KALRN: variants seen among roughly 807,000 people sequenced by gnomAD.
KALRN encodes the protein kalirin RhoGEF kinase, also known as kalirin.
KALRN carries 70 observed loss-of-function variants against 353.7 expected under a neutral mutation model. The observed-to-expected ratio is 0.20, with a 90% CI of 0.16 to 0.24. The LOEUF (loss-of-function observed/expected upper bound fraction) is 0.24, where lower values mean the gene tolerates loss of function less well. Among genes scored for constraint, KALRN ranks in the 10% least tolerant of loss-of-function variants. The pLI is 1.00. For synonymous variants in KALRN, 1,391 were observed against 1,434.8 expected, an observed-to-expected ratio of 0.97 and a Z score of 0.69; for missense variants, 2,791 against 3,756.7, an observed-to-expected ratio of 0.74 and a Z score of 6.72.
chr3:124,499,888 T>C (rs996768435), intron 33 of KALRN, among the ~76,000 whole-genome samples: 6 of 152,226 alleles, frequency 3.9e-5, no homozygotes, highest in African/African-American at 1.4e-4. Flanking sequence ...TTTCTGTGTC[T>C]GTTCCTTATA....
At chr3:124,327,113 C>T (rs771031391) in intron 7 of KALRN, among the ~76,000 whole-genome samples, 1 of 151,948 alleles carries the variant, frequency 6.6e-6, no homozygotes, top group Non-Finnish European at 1.5e-5. Context: ...TGCTACAAAC[C>T]AGGGATTGAT....
intron 3 of KALRN, among the ~76,000 whole-genome samples, chr3:124,236,484 T>C (rs531271768): frequency 2.3e-4 from 35 of 152,298 alleles, no homozygotes; most frequent in African/African-American, 7.9e-4. Context: ...CAATTTACAA[T>C]AGAAGTTTTC....
intron 1 of KALRN, among the ~76,000 whole-genome samples, chr3:124,102,533 A>G (rs2061961938): frequency 1.3e-5 from 2 of 152,196 alleles, no homozygotes; most frequent in Non-Finnish European, 1.5e-5. Flanking sequence ...TAGTAATAAT[A>G]CATACCTCAG....
chr3:124,081,847 GTATGTGTGCATT>G (rs1178209086), intron 1 of KALRN, among the ~76,000 whole-genome samples: 1 of 152,170 alleles, frequency 6.6e-6, no homozygotes, highest in Non-Finnish European at 1.5e-5. Context: ...CTTAGTGCAT[GTATGTGTGCATT>G]GACATGTAGT....
intron 27 of KALRN, among the ~76,000 whole-genome samples, chr3:124,481,892 A>G (rs1276683645): frequency 1.3e-5 from 2 of 151,816 alleles, no homozygotes; most frequent in African/African-American, 2.4e-5. Context: ...CATTTCCTCT[A>G]TTGTCTTTTG....
intron 34 of KALRN, among the ~76,000 whole-genome samples, chr3:124,564,204 CAAAAAAAA>C (rs58917238): frequency 1.2e-4 from 9 of 73,922 alleles, no homozygotes; most frequent in Non-Finnish European, 2.1e-4. Flanking sequence ...AACTCCGTCT[CAAAAAAAA>C]AAAAAAAAAA....
intron 21 of KALRN, among the ~76,000 whole-genome samples, chr3:124,454,187 T>G (rs1325341549): frequency 6.6e-6 from 1 of 152,250 alleles, no homozygotes; most frequent in Non-Finnish European, 1.5e-5. Context: ...AGTTAACTCT[T>G]AAATCTGCTC....
chr3:124,366,954 T>C (rs1317454689), intron 10 of KALRN, among the ~76,000 whole-genome samples: 5 of 121,330 alleles, frequency 4.1e-5, no homozygotes, highest in Non-Finnish European at 5.1e-5. Flanking sequence ...CCAGTAGGGG[T>C]GGCCAGGCAG....
chr3:124,328,660 T>G (rs2080180863), intron 7 of KALRN, among the ~76,000 whole-genome samples: 1 of 152,186 alleles, frequency 6.6e-6, no homozygotes, highest in African/African-American at 2.4e-5. Flanking sequence ...ATGTACAGAA[T>G]GAAGTCAACC....
At chr3:124,681,854 T>C (rs2087812410) in intron 51 of KALRN, among the ~76,000 whole-genome samples, 1 of 152,054 alleles carries the variant, frequency 6.6e-6, no homozygotes, top group Non-Finnish European at 1.5e-5. Context: ...TGTATTGAAC[T>C]CCTGACCTCA....
In KALRN at chr3:124,517,784, A is replaced by G. The variant is rs76367500; in HGVS notation, c.4935+21371A>G. On this transcript the variant is annotated intron_variant, in intron 33 of 59. Coordinates refer to ENST00000682506, the MANE Select transcript of KALRN (RefSeq NM_001388419.1). ...ATTGTCACCTGTCATGGTCCCTGGA[A>G]ACAGTTAAATCATGAATTTTAAGTC... Among the ~76,000 whole-genome samples, 780 of 152,336 alleles carry G rather than the reference A, an allele frequency of 5.1e-3. 1 individual carries two copies. The highest frequency in any genetic ancestry group is 7.6e-3 in the Non-Finnish European group (519 of 68,028).
At chr3:124,455,476 T>G in intron 22 of KALRN, 117 bp downstream of exon 22, 1 of 1,042,824 alleles carries the variant, frequency 9.6e-7, no homozygotes, top group Admixed American at 2.8e-5. Context: ...AGCTATTGAC[T>G]CCTAGAGCGC....
intron 6 of KALRN, among the ~76,000 whole-genome samples, chr3:124,324,545 A>T (rs1019521583): frequency 1.5e-4 from 23 of 152,354 alleles, no homozygotes; most frequent in African/African-American, 5.3e-4. Context: ...TCTCTTAGGG[A>T]AATGCACTAT....
At chr3:124,321,311 A>T (rs1348312452) in intron 6 of KALRN, among the ~76,000 whole-genome samples, 2 of 152,236 alleles carry the variant, frequency 1.3e-5, no homozygotes, top group African/African-American at 4.8e-5. Flanking sequence ...AGCCCCTGAC[A>T]CATAACTTAA....
intron 1 of KALRN, among the ~76,000 whole-genome samples, chr3:124,154,267 T>G (rs184902729): frequency 6.6e-6 from 1 of 152,192 alleles, no homozygotes; most frequent in Non-Finnish European, 1.5e-5. Flanking sequence ...CCAGGGCAAT[T>G]AGGCAGGAGA....
chr3:124,238,331 G>A (rs927757186), intron 3 of KALRN, among the ~76,000 whole-genome samples: 1 of 152,178 alleles, frequency 6.6e-6, no homozygotes, highest in Admixed American at 6.5e-5. Context: ...ACGGGTGGAC[G>A]TTAGAATCAG....
At chr3:124,279,103 G>A (rs543113061) in intron 5 of KALRN, among the ~76,000 whole-genome samples, 74 of 151,876 alleles carry the variant, frequency 4.9e-4, no homozygotes, top group African/African-American at 1.6e-3. Context: ...TCCTTCCTTG[G>A]TCAGAGTTAA....
At chr3:124,397,584 C>G (rs1282289261) in intron 12 of KALRN, among the ~76,000 whole-genome samples, 2 of 152,184 alleles carry the variant, frequency 1.3e-5, no homozygotes, top group African/African-American at 2.4e-5. Context: ...TTTTAGGGCT[C>G]TAGCTTACTC....
intron 41 of KALRN, 44 bp downstream of exon 41, chr3:124,657,847 T>C (rs1421909195): frequency 4.7e-6 from 6 of 1,288,854 alleles, no homozygotes; most frequent in Non-Finnish European, 6.7e-6. Context: ...TTCACTAGGC[T>C]CATTTATATT....
Sources: gnomAD v4.1 joint callset for allele counts (sites outside exome capture counted in the v4.1 genomes callset) on GRCh38, gnomAD v4.1.1 for gene constraint, MANE v1.5 for transcripts, NCBI Gene and HGNC (gene_info 2026-07-23, HGNC 2026-07-21) for gene names.